CCDC7: variants seen among roughly 807,000 people sequenced by gnomAD.
The protein encoded by CCDC7 is coiled-coil domain containing 7.
Under a neutral mutation model 196.9 loss-of-function variants are expected in CCDC7, and 183 were observed. That is an observed-to-expected ratio of 0.93 (90% CI 0.82 to 1.05). CCDC7 has a LOEUF of 1.05. CCDC7 is among the 50% of genes least tolerant of loss of function. CCDC7 has a pLI of 0.00. For missense variants in CCDC7, 1,540 were observed against 1,482.2 expected, an observed-to-expected ratio of 1.04 and a Z score of -0.64; for synonymous variants, 525 against 484.6, an observed-to-expected ratio of 1.08 and a Z score of -1.10.
At chr10:32,511,254 T>TGTGG (rs1554812771) in intron 9 of CCDC7, 23 of 594,018 alleles carry the variant, frequency 3.9e-5, no homozygotes, top group South Asian at 9.7e-5. Context: ...AATTATTCTG[T>TGTGG]GGGGGGCGGG....
chr10:32,622,934 GA>G (rs1362954389), intron 18 of CCDC7, among the ~76,000 whole-genome samples: 1 of 152,116 alleles, frequency 6.6e-6, no homozygotes, highest in African/African-American at 2.4e-5. Context: ...CTTAACACTT[GA>G]AAATTAATTA....
upstream of CCDC7, among the ~76,000 whole-genome samples, chr10:32,448,752 C>A (rs1410769604): frequency 1.3e-5 from 2 of 152,012 alleles, no homozygotes; most frequent in African/African-American, 4.8e-5. Context: ...AAAATTGAAT[C>A]ATGTTTATTG....
intron 3 of CCDC7, among the ~76,000 whole-genome samples, chr10:32,457,837 G>A (rs2034696613): frequency 6.6e-6 from 1 of 151,414 alleles, no homozygotes; most frequent in African/African-American, 2.4e-5. Context: ...TCTTTCTTTT[G>A]AGAAATATTC....
chr10:32,804,333 A>T (rs368584378), intron 29 of CCDC7, among the ~76,000 whole-genome samples: 22 of 152,304 alleles, frequency 1.4e-4, no homozygotes, highest in African/African-American at 5.1e-4. Context: ...CCAATGGAAA[A>T]GTACCCAATT....
At chr10:32,722,106 C>A (rs2082497778) in intron 25 of CCDC7, among the ~76,000 whole-genome samples, 1 of 152,106 alleles carries the variant, frequency 6.6e-6, no homozygotes, top group Non-Finnish European at 1.5e-5. Flanking sequence ...ATAGTTATAT[C>A]TTTTCTCCCC....
intron 21 of CCDC7, among the ~76,000 whole-genome samples, chr10:32,665,701 G>T (rs117078862): frequency 6.6e-6 from 1 of 151,940 alleles, no homozygotes; most frequent in African/African-American, 2.4e-5. Flanking sequence ...GCTATTCAGC[G>T]TCTTTTATGG....
intron 41 of CCDC7, among the ~76,000 whole-genome samples, chr10:32,855,484 G>A (rs2093717018): frequency 6.6e-6 from 1 of 152,190 alleles, no homozygotes; most frequent in African/African-American, 2.4e-5. Flanking sequence ...GGGGTGATGG[G>A]AGACAGTGAT....
chr10:32,474,408 C>A (rs1278934380), intron 8 of CCDC7, among the ~76,000 whole-genome samples: 1 of 134,518 alleles, frequency 7.4e-6, no homozygotes, highest in Admixed American at 7.5e-5. Context: ...ATTTTTTTTT[C>A]TTTTTTTTTT....
At chr10:32,448,814 AT>A (rs1328006100), upstream of CCDC7, among the ~76,000 whole-genome samples, 2 of 152,026 alleles carry the variant, frequency 1.3e-5, no homozygotes, top group East Asian at 3.8e-4. Flanking sequence ...AGAATTGCTA[AT>A]TATTTATATT....
At chr10:32,535,153 T>C (rs924241451) in intron 11 of CCDC7, among the ~76,000 whole-genome samples, 5 of 151,538 alleles carry the variant, frequency 3.3e-5, no homozygotes, top group African/African-American at 4.8e-5. Flanking sequence ...TAGGAAAATA[T>C]GTCCCATCCT....
intron 18 of CCDC7, among the ~76,000 whole-genome samples, chr10:32,599,343 G>A (rs926103198): frequency 6.6e-6 from 1 of 152,046 alleles, no homozygotes; most frequent in Non-Finnish European, 1.5e-5. Flanking sequence ...ATTGGGTCAT[G>A]TATGTATGTA....
At chr10:32,632,142 G>A (rs1282430845) in intron 18 of CCDC7, among the ~76,000 whole-genome samples, 1 of 13,988 alleles carries the variant, frequency 7.1e-5, no homozygotes, top group Non-Finnish European at 1.2e-4. Context: ...TTTTTTTTGG[G>A]GGGGGGGGGG....
intron 29 of CCDC7, among the ~76,000 whole-genome samples, chr10:32,802,547 C>T (rs950911894): frequency 2.0e-5 from 3 of 152,132 alleles, no homozygotes; most frequent in African/African-American, 7.2e-5. Context: ...TTAGGGTTCT[C>T]TTGAGGGCTG....
chr10:32,657,216 G>C (rs2070139789), intron 20 of CCDC7, among the ~76,000 whole-genome samples: 1 of 152,150 alleles, frequency 6.6e-6, no homozygotes. Context: ...TCCATTCTGG[G>C]GTCTGGAGGA....
At chr10:32,869,562 C>T (rs1042597605) in intron 41 of CCDC7, among the ~76,000 whole-genome samples, 16 of 151,936 alleles carry the variant, frequency 1.1e-4, no homozygotes, top group Admixed American at 3.3e-4. Flanking sequence ...GAAGCTCTTT[C>T]GTTTAATCGG....
In CCDC7 at chr10:32,618,597, C is replaced by G. The variant is rs143087676; in HGVS notation, c.1802-15657C>G. Reference sequence around the variant, plus strand: ...TATAACATTCTGGACTGACAGATTTCTTTTTTTTTCTCTCAGCACTTTGAA... The same window carrying G: ...TATAACATTCTGGACTGACAGATTTGTTTTTTTTTCTCTCAGCACTTTGAA... On this transcript the variant is annotated intron_variant, in intron 18 of 41. Coordinates refer to ENST00000639629, the Ensembl canonical transcript of CCDC7. Among the ~76,000 whole-genome samples, 744 of 151,258 alleles carry G rather than the reference C, an allele frequency of 4.9e-3. 1 individual carries two copies. The highest frequency in any genetic ancestry group is 7.9e-3 in the Non-Finnish European group (532 of 67,684).
intron 21 of CCDC7, among the ~76,000 whole-genome samples, chr10:32,667,804 A>G (rs888303789): frequency 2.6e-5 from 4 of 152,236 alleles, no homozygotes; most frequent in African/African-American, 9.6e-5. Context: ...AGGTAGCGTG[A>G]TGCCTCCAGC....
chr10:32,624,397 A>T (rs1037437477), intron 18 of CCDC7, among the ~76,000 whole-genome samples: 7 of 152,298 alleles, frequency 4.6e-5, no homozygotes, highest in African/African-American at 1.7e-4. Flanking sequence ...GTAGCAGTCA[A>T]CAGTTCTACC....
At chr10:32,785,580 A>G (rs1314305101) in intron 29 of CCDC7, among the ~76,000 whole-genome samples, 1 of 152,170 alleles carries the variant, frequency 6.6e-6, no homozygotes, top group Non-Finnish European at 1.5e-5. Flanking sequence ...CTGAAAACTA[A>G]AAGTAGAAAA....
Sources: gnomAD v4.1 joint callset for allele counts (sites outside exome capture counted in the v4.1 genomes callset) on GRCh38, gnomAD v4.1.1 for gene constraint, MANE v1.5 for transcripts, NCBI Gene and HGNC (gene_info 2026-07-23, HGNC 2026-07-21) for gene names.